ACACA: variants seen among roughly 807,000 people sequenced by gnomAD.
The protein encoded by ACACA is acetyl-CoA carboxylase 1.
In ACACA, 103 loss-of-function variants were observed where a neutral mutation model predicts 296.1. That is an observed-to-expected ratio of 0.35 (90% confidence interval 0.30 to 0.41). The LOEUF (loss-of-function observed/expected upper bound fraction) is 0.41. Ranked by LOEUF, ACACA falls within the 10% of genes least tolerant of loss-of-function variation. The pLI is 1.00. For missense variants in ACACA, 1,554 were observed against 2,989.7 expected (o/e 0.52, Z 11.20); for synonymous variants, 953 against 1,038.6 (o/e 0.92, Z 1.58).
chr17:37,367,665 T>C (rs980827591), intron 1 of ACACA: 38 of 152,340 alleles, frequency 2.5e-4, no homozygotes, highest in African/African-American at 8.9e-4. Context: ...TGTTAGATAG[T>C]AGGCACACAG....
intron 35 of ACACA, among the ~76,000 whole-genome samples, chr17:37,198,521 T>G (rs1184857835): frequency 6.6e-6 from 1 of 152,180 alleles, no homozygotes; most frequent in Non-Finnish European, 1.5e-5. Flanking sequence ...TCATATTCTA[T>G]CCCAAAGTAT....
intron 41 of ACACA, among the ~76,000 whole-genome samples, chr17:37,177,421 G>C (rs966629855): frequency 1.3e-5 from 2 of 151,968 alleles, no homozygotes; most frequent in East Asian, 3.9e-4. Context: ...ACAGAGCTCT[G>C]TCCCTCTGGG....
At chr17:37,144,037 T>C in intron 45 of ACACA, 2 of 770,206 alleles carry the variant, frequency 2.6e-6, no homozygotes, top group Non-Finnish European at 4.8e-6. Context: ...CCTGAACTTC[T>C]TTTTTGTCTC....
intron 19 of ACACA, among the ~76,000 whole-genome samples, chr17:37,245,852 C>G (rs945761351): frequency 1.3e-5 from 2 of 152,172 alleles, no homozygotes; most frequent in Non-Finnish European, 2.9e-5. Flanking sequence ...TGAAAACTTA[C>G]TAGTATGGTT....
At chr17:37,286,615 A>G (rs112158343) in intron 3 of ACACA, among the ~76,000 whole-genome samples, 1,590 of 152,286 alleles carry the variant, frequency 0.01, 25 homozygotes, top group African/African-American at 0.037. Flanking sequence ...CAGAGACTTA[A>G]TTCCAGTCTC....
chr17:37,212,032 G>A (rs780943826), intron 29 of ACACA, among the ~76,000 whole-genome samples: 2 of 152,158 alleles, frequency 1.3e-5, no homozygotes, highest in Non-Finnish European at 2.9e-5. Context: ...AGATGCTAAT[G>A]AGAATAGTTT....
chr17:37,171,916 T>C (rs2144673259), intron 41 of ACACA, among the ~76,000 whole-genome samples: 1 of 152,234 alleles, frequency 6.6e-6, no homozygotes, highest in East Asian at 1.9e-4. Context: ...GGGCCCAGGA[T>C]TAATTGGTTG....
Position 37,097,119 on chromosome 17 carries a change from C to T in ACACA, c.6768G>A (p.Leu2256=), listed in dbSNP as rs1482400083. 6.2e-7 allele frequency: 1 copy of T among 1,613,968 alleles called. No individual in the cohort carries two copies. ...CCAGGTCCTCCAGCAGAAGACGCCTCAGCCGCCAGTAGAAGAAGGTACGGG... is the reference window on the plus strand; with the variant it reads ...CCAGGTCCTCCAGCAGAAGACGCCTTAGCCGCCAGTAGAAGAAGGTACGGG... ...KTSRTFFYWR[L]RRLLLEDLVK... The change falls in exon 54 of 56, where the codon CTG becomes CTA. Residue 2256 remains leucine (L), a synonymous_variant. Transcript: ENST00000616317. The surrounding 1 kb of genome is among the most constrained non-coding windows in gnomAD (Gnocchi z 4.8).
At chr17:37,351,450 A>T (rs2048900032) in intron 1 of ACACA, among the ~76,000 whole-genome samples, 1 of 152,334 alleles carries the variant, frequency 6.6e-6, no homozygotes, top group South Asian at 2.1e-4. Flanking sequence ...GGTGACAAAG[A>T]GTGAGACTCT....
chr17:37,098,560 T>C (rs1462477123), intron 52 of ACACA, among the ~76,000 whole-genome samples: 1 of 152,256 alleles, frequency 6.6e-6, no homozygotes, highest in Non-Finnish European at 1.5e-5. Context: ...CAGGTTTATA[T>C]ACTCTTAACC....
Position 37,277,025 on chromosome 17 carries a change from C to A in ACACA, c.802+8G>T, listed in dbSNP as rs914359610. 6.2e-7 allele frequency: 1 copy of A among 1,611,086 alleles called. No individual in the cohort carries two copies. Among genetic ancestry groups the A allele is most frequent in the African/African-American group, 1.3e-5 (1 of 74,850 alleles). On this transcript the variant is annotated splice_region_variant and intron_variant, in intron 7 of 55. Transcript: ENST00000616317. ...CAGAAAGACGGACAATATGTCAGAA[C>A]AGCTTACCCATGAAGGCAATGCCAT...
At chr17:37,393,655 C>A (rs1372929986) in intron 1 of ACACA, among the ~76,000 whole-genome samples, 1 of 151,970 alleles carries the variant, frequency 6.6e-6, no homozygotes, top group Admixed American at 6.6e-5. Context: ...CCAGCCTGGA[C>A]AACATGGTGA....
rs976987274 is a variant in ACACA, at chr17:37,125,850, G to A, written c.5945-56C>T. On this transcript the variant is annotated intron_variant, in intron 47 of 55. Coordinates refer to ENST00000616317, the MANE Select transcript of ACACA (RefSeq NM_198834.3). ...TAAGGACAGTGAATCCATTGACAAT[G>A]TGCTGGAACTGACGAATTTAAGGTG... is the stretch of plus-strand genomic sequence containing the variant. 4 of 1,474,478 alleles carry A rather than the reference G, an allele frequency of 2.7e-6. No individual in the cohort carries two copies. In the African/African-American group the frequency reaches 4.2e-5, roughly 15 times the overall value. The allele number at this position is 1,474,478 out of a possible 1,614,324, so 91.3% of individuals were successfully genotyped here.
At chr17:37,120,199 A>C (rs2074460821) in intron 50 of ACACA, among the ~76,000 whole-genome samples, 1 of 146,912 alleles carries the variant, frequency 6.8e-6, no homozygotes, top group African/African-American at 2.5e-5. Flanking sequence ...GGCCATCCTA[A>C]GCATTTTCTA....
intron 23 of ACACA, among the ~76,000 whole-genome samples, chr17:37,241,074 A>C (rs907049578): frequency 4.6e-5 from 7 of 152,124 alleles, no homozygotes; most frequent in Admixed American, 3.9e-4. Flanking sequence ...ATGTGACTGT[A>C]GTCCCAGCTA....
chr17:37,092,363 A>T (rs866901000), intron 54 of ACACA, among the ~76,000 whole-genome samples: 89 of 152,170 alleles, frequency 5.8e-4, no homozygotes, highest in African/African-American at 2.0e-3. Context: ...TGCTAACATC[A>T]TGACAGGCCT....
At chr17:37,380,650 T>C (rs1173242338) in intron 1 of ACACA, among the ~76,000 whole-genome samples, 2 of 152,032 alleles carry the variant, frequency 1.3e-5, no homozygotes, top group Non-Finnish European at 2.9e-5. Context: ...CAGGTTGGAG[T>C]CCAGTGGTGC....
chr17:37,301,494 T>A, intron 3 of ACACA: 1 of 606,136 alleles, frequency 1.6e-6, no homozygotes, highest in Non-Finnish European at 2.1e-6. Flanking sequence ...CTAGCTTGAC[T>A]GCAACACAGT....
At chr17:37,335,194 C>A (rs1166698298) in intron 2 of ACACA, among the ~76,000 whole-genome samples, 1 of 152,160 alleles carries the variant, frequency 6.6e-6, no homozygotes. Flanking sequence ...CCTGACTGGG[C>A]TCCATGAGGT....
Sources: allele counts gnomAD v4.1 joint callset (sites outside exome capture counted in the v4.1 genomes callset), GRCh38; gene constraint gnomAD v4.1.1; non-coding constraint Gnocchi (gnomAD v3.1); transcripts MANE v1.5; gene names NCBI Gene and HGNC (gene_info 2026-07-23, HGNC 2026-07-21).